The following FGGY variants were observed in gnomAD, a reference collection of about 807,000 sequenced individuals.
FGGY encodes FGGY carbohydrate kinase domain containing.
FGGY carries 72 observed loss-of-function variants against 71.3 expected under a neutral mutation model. That is an observed-to-expected ratio of 1.01 (90% CI 0.84 to 1.23). The LOEUF is 1.23. Among genes scored for constraint, FGGY ranks in the 50% most tolerant of loss-of-function variants. FGGY has a pLI of 0.00. For synonymous variants in FGGY, 251 were observed against 250.3 expected (o/e 1.00, Z -0.02); for missense variants, 668 against 682.3 (o/e 0.98, Z 0.23).
chr1:59,616,911 T>C (rs1439466294), intron 9 of FGGY, among the ~76,000 whole-genome samples: 1 of 152,128 alleles, frequency 6.6e-6, no homozygotes, highest in Non-Finnish European at 1.5e-5. Flanking sequence ...AAGGTAGCAA[T>C]TACAGCCTGG....
At chr1:59,510,575 C>T (rs925060384) in intron 6 of FGGY, among the ~76,000 whole-genome samples, 4 of 152,202 alleles carry the variant, frequency 2.6e-5, no homozygotes, top group African/African-American at 9.7e-5. Context: ...ACTTATCCTC[C>T]AGACCATCAG....
At chr1:59,612,724 C>T (rs1295435626) in intron 9 of FGGY, among the ~76,000 whole-genome samples, 2 of 152,084 alleles carry the variant, frequency 1.3e-5, no homozygotes, top group African/African-American at 2.4e-5. Flanking sequence ...GTGTCAAGAC[C>T]CATCCATGTG....
chr1:59,664,596 A>G (rs921778712), intron 12 of FGGY, among the ~76,000 whole-genome samples: 1 of 152,258 alleles, frequency 6.6e-6, no homozygotes, highest in African/African-American at 2.4e-5. Context: ...CAATTCTCCC[A>G]TTCCATACAG....
At chr1:59,658,743 T>G (rs1009459224) in intron 11 of FGGY, among the ~76,000 whole-genome samples, 2 of 152,104 alleles carry the variant, frequency 1.3e-5, no homozygotes, top group Non-Finnish European at 2.9e-5. Context: ...AGGAGCACAA[T>G]TAGAAACAGT....
intron 8 of FGGY, among the ~76,000 whole-genome samples, chr1:59,571,706 C>T (rs2095988371): frequency 6.6e-6 from 1 of 152,094 alleles, no homozygotes; most frequent in Non-Finnish European, 1.5e-5. Flanking sequence ...ACTCAAATTT[C>T]ATCAATAATA....
chr1:59,481,960 A>G (rs1373291997), intron 6 of FGGY, among the ~76,000 whole-genome samples: 1 of 152,184 alleles, frequency 6.6e-6, no homozygotes, highest in African/African-American at 2.4e-5. Flanking sequence ...ATAGAATCCT[A>G]TTTCCTGACA....
At chr1:59,549,918 T>C in intron 7 of FGGY, among the ~76,000 whole-genome samples, 1 of 152,218 alleles carries the variant, frequency 6.6e-6, no homozygotes, top group East Asian at 1.9e-4. Context: ...TTTAACATTC[T>C]TTTTAAACAT....
At chr1:59,606,194 G>C (rs2096621987) in intron 8 of FGGY, among the ~76,000 whole-genome samples, 1 of 152,046 alleles carries the variant, frequency 6.6e-6, no homozygotes, top group South Asian at 2.1e-4. Flanking sequence ...CTTGATTACT[G>C]AGAGCACCTC....
At chr1:59,506,990 A>G (rs2094402008) in intron 6 of FGGY, among the ~76,000 whole-genome samples, 1 of 152,244 alleles carries the variant, frequency 6.6e-6, no homozygotes, top group Non-Finnish European at 1.5e-5. Flanking sequence ...AGCTGTTAAA[A>G]GAAAACCTTT....
intron 9 of FGGY, among the ~76,000 whole-genome samples, chr1:59,615,271 A>C (rs2096739122): frequency 6.6e-6 from 1 of 152,234 alleles, no homozygotes; most frequent in Admixed American, 6.5e-5. Flanking sequence ...TACAGCAACC[A>C]AAACAGCATG....
At chr1:59,573,233 A>G (rs1171644837) in intron 8 of FGGY, among the ~76,000 whole-genome samples, 4 of 152,234 alleles carry the variant, frequency 2.6e-5, no homozygotes, top group African/African-American at 9.6e-5. Flanking sequence ...AAGGACATTT[A>G]GTGGATAATA....
intron 11 of FGGY, among the ~76,000 whole-genome samples, chr1:59,652,545 C>T (rs1216674152): frequency 3.5e-5 from 5 of 143,738 alleles, no homozygotes; most frequent in South Asian, 2.4e-4. Context: ...TTGATCGCAT[C>T]GGCTCCTGAG....
intron 13 of FGGY, among the ~76,000 whole-genome samples, chr1:59,668,781 G>A (rs942729073): frequency 5.9e-5 from 9 of 151,654 alleles, no homozygotes; most frequent in African/African-American, 1.5e-4. Flanking sequence ...TCAGGAGTTC[G>A]AGACCAGCCT....
chr1:59,646,889 T>A (rs930817846), intron 11 of FGGY, among the ~76,000 whole-genome samples: 5 of 152,230 alleles, frequency 3.3e-5, no homozygotes, highest in African/African-American at 1.2e-4. Flanking sequence ...ATTACTGTTG[T>A]TTTCATTGCT....
At chr1:59,560,347 C>T (rs1273366872) in intron 8 of FGGY, among the ~76,000 whole-genome samples, 2 of 152,066 alleles carry the variant, frequency 1.3e-5, no homozygotes, top group African/African-American at 4.8e-5. Flanking sequence ...ACCTAAAGAG[C>T]CATGATAACT....
chr1:59,343,051 G>A (rs1324581905), intron 3 of FGGY, among the ~76,000 whole-genome samples: 2 of 152,076 alleles, frequency 1.3e-5, no homozygotes, highest in Non-Finnish European at 2.9e-5. Flanking sequence ...CTCAGCCATA[G>A]GAGCTCTTGG....
intron 5 of FGGY, among the ~76,000 whole-genome samples, chr1:59,382,569 T>G (rs115249817): frequency 0.017 from 2,582 of 152,306 alleles, 75 homozygotes; most frequent in African/African-American, 0.059. Context: ...TAGGTGAGGA[T>G]ATCATCTTGG....
At chr1:59,372,836 A>C (rs2057931279) in intron 4 of FGGY, among the ~76,000 whole-genome samples, 1 of 151,828 alleles carries the variant, frequency 6.6e-6, no homozygotes, top group Non-Finnish European at 1.5e-5. Context: ...AGATGCAGAA[A>C]AGGCCTTTGA....
At chr1:59,572,731 C>T (rs924679404) in intron 8 of FGGY, among the ~76,000 whole-genome samples, 1 of 152,076 alleles carries the variant, frequency 6.6e-6, no homozygotes, top group Non-Finnish European at 1.5e-5. Context: ...GGTGTGAAAA[C>T]TGTTGAGGCT....
Sources: gnomAD v4.1 joint callset for allele counts (sites outside exome capture counted in the v4.1 genomes callset) on GRCh38, gnomAD v4.1.1 for gene constraint, MANE v1.5 for transcripts, NCBI Gene and HGNC (gene_info 2026-07-23, HGNC 2026-07-21) for gene names.